The following TSPAN9 variants were observed in gnomAD, a reference collection of about 807,000 sequenced individuals.
TSPAN9 encodes the protein tetraspanin 9.
TSPAN9 carries 16 observed loss-of-function variants against 31.0 expected under a neutral mutation model. The observed-to-expected ratio is 0.52, with a 90% CI of 0.35 to 0.78. The LOEUF is 0.78. TSPAN9 is among the 30% of genes least tolerant of loss of function. TSPAN9 has a pLI of 0.01. For synonymous variants in TSPAN9, 145 were observed against 121.6 expected (o/e 1.19, Z -1.27); for missense variants, 272 against 312.5 (o/e 0.87, Z 0.98).
intron 2 of TSPAN9, among the ~76,000 whole-genome samples, chr12:3,190,451 G>C (rs1208634439): frequency 6.6e-6 from 1 of 152,234 alleles, no homozygotes; most frequent in Non-Finnish European, 1.5e-5. Flanking sequence ...GGAGCAGTGG[G>C]CTCAGTGTGT....
intron 2 of TSPAN9, among the ~76,000 whole-genome samples, chr12:3,111,401 G>C (rs1314543268): frequency 6.6e-6 from 1 of 152,070 alleles, no homozygotes; most frequent in African/African-American, 2.4e-5. Context: ...CTTGTTCACT[G>C]TGTGACCTTG....
chr12:3,105,774 A>ACACACGCTCATACACACTCACG (rs2098314157), intron 2 of TSPAN9, among the ~76,000 whole-genome samples: 2 of 137,096 alleles, frequency 1.5e-5, no homozygotes, highest in South Asian at 2.5e-4. Context: ...ACGCGCACGC[A>ACACACGCTCATACACACTCACG]CACACGCTCA....
At chr12:3,282,346 C>T (rs186306723) in intron 8 of TSPAN9, among the ~76,000 whole-genome samples, 99 of 152,266 alleles carry the variant, frequency 6.5e-4, no homozygotes, top group Non-Finnish European at 4.0e-4. Context: ...GCCAAGACAT[C>T]GCACCATGTG....
At chr12:3,222,189 C>T (rs2098384926) in intron 3 of TSPAN9, among the ~76,000 whole-genome samples, 1 of 152,124 alleles carries the variant, frequency 6.6e-6, no homozygotes, top group Non-Finnish European at 1.5e-5. Flanking sequence ...CTTGGTCCTG[C>T]TGGCATGCAG....
chr12:3,273,442 G>A (rs1862722695), intron 3 of TSPAN9, among the ~76,000 whole-genome samples: 1 of 152,164 alleles, frequency 6.6e-6, no homozygotes, highest in African/African-American at 2.4e-5. Flanking sequence ...GTGACCTTCT[G>A]CGGGTTGGTG....
intron 2 of TSPAN9, among the ~76,000 whole-genome samples, chr12:3,139,120 G>A (rs182414152): frequency 1.3e-5 from 2 of 151,688 alleles, no homozygotes; most frequent in Admixed American, 1.3e-4. Context: ...ATTGCCTCCC[G>A]CTGCCCCTTG....
chr12:3,184,743 T>A (rs1191712909), intron 2 of TSPAN9, among the ~76,000 whole-genome samples: 2 of 151,958 alleles, frequency 1.3e-5, no homozygotes, highest in Non-Finnish European at 2.9e-5. Flanking sequence ...CGGCATGAGG[T>A]TGGGGATGGG....
intron 2 of TSPAN9, among the ~76,000 whole-genome samples, chr12:3,089,763 G>A (rs770322541): frequency 2.6e-5 from 4 of 151,756 alleles, no homozygotes; most frequent in South Asian, 2.1e-4. Flanking sequence ...ATTAAAAAAC[G>A]TAGCCAGGCA....
rs1565640158 is a variant in TSPAN9 at position 3,269,391 on chromosome 12, CGTTCCTGCAGCCTGCCCTCCCTGT to C, written c.64-8986_64-8963del. ...GTGTTCCTGCAGCCTGCCCTCCGTG[CGTTCCTGCAGCCTGCCCTCCCTGT>C]GTTCCTGCAGCCTGCCCTCCCTGTG... On this transcript the variant is annotated intron_variant, in intron 3 of 8. Coordinates refer to ENST00000011898, the MANE Select transcript of TSPAN9 (RefSeq NM_006675.5). 8.5e-3 allele frequency among the ~76,000 whole-genome samples: 165 copies of C among 19,520 alleles called. 1 individual carries two copies. Among genetic ancestry groups the C allele is most frequent in the Middle Eastern group, 0.036 (1 of 28 alleles). The allele number at this position is 19,520 out of a possible 152,430, so 12.8% of individuals were successfully genotyped here.
At chr12:3,105,803 T>C (rs1213556382) in intron 2 of TSPAN9, among the ~76,000 whole-genome samples, 14 of 100,556 alleles carry the variant, frequency 1.4e-4, no homozygotes, top group South Asian at 9.6e-4. Flanking sequence ...CACGCACACA[T>C]GCGCACACAC....
At chr12:3,125,948 G>C (rs1565584711) in intron 2 of TSPAN9, among the ~76,000 whole-genome samples, 1 of 152,152 alleles carries the variant, frequency 6.6e-6, no homozygotes, top group Admixed American at 6.6e-5. Flanking sequence ...TTGGATGAAT[G>C]CTGGCCTTTG....
At chr12:3,212,117 G>A (rs577837413) in intron 3 of TSPAN9, among the ~76,000 whole-genome samples, 4 of 152,222 alleles carry the variant, frequency 2.6e-5, no homozygotes, top group Non-Finnish European at 5.9e-5. Context: ...GATTACAGGT[G>A]TGTGCCACCA....
chr12:3,137,775 G>A (rs2098332788), intron 2 of TSPAN9, among the ~76,000 whole-genome samples: 1 of 152,140 alleles, frequency 6.6e-6, no homozygotes, highest in African/African-American at 2.4e-5. Context: ...GTACCCCTGG[G>A]CTCTGCCAAG....
At chr12:3,268,854 ATTCCTGCAGCCTGCCCTCTGTGCG>A (rs1862604025) in intron 3 of TSPAN9, among the ~76,000 whole-genome samples, 1 of 55,914 alleles carries the variant, frequency 1.8e-5, no homozygotes, top group Admixed American at 2.1e-4. Context: ...CCCTCCGTGC[ATTCCTGCAGCCTGCCCTCTGTGCG>A]TTCCTGCAGC....
intron 2 of TSPAN9, among the ~76,000 whole-genome samples, chr12:3,145,435 G>A (rs529897428): frequency 6.6e-6 from 1 of 152,194 alleles, no homozygotes. Context: ...CCTAGGAGGT[G>A]TTCAGCTAGG....
At chr12:3,174,675 C>T (rs1044674553) in intron 2 of TSPAN9, among the ~76,000 whole-genome samples, 18 of 152,012 alleles carry the variant, frequency 1.2e-4, no homozygotes, top group Middle Eastern at 3.2e-3. Flanking sequence ...CTCCGCCTCC[C>T]GGGTTCGCGC....
chr12:3,144,603 G>A (rs1305549228), intron 2 of TSPAN9, among the ~76,000 whole-genome samples: 2 of 152,176 alleles, frequency 1.3e-5, no homozygotes, highest in South Asian at 2.1e-4. Flanking sequence ...CCAGAACCGC[G>A]AGACCGTAAA....
chr12:3,103,584 T>C (rs1327694073), intron 2 of TSPAN9, among the ~76,000 whole-genome samples: 1 of 143,272 alleles, frequency 7.0e-6, no homozygotes, highest in Non-Finnish European at 1.5e-5. Context: ...TCTTTGTCTC[T>C]GTAGGGCTCC....
rs562493952 is a variant in TSPAN9, at chr12:3,101,453, C to G, written c.-18+17734C>G. Among the ~76,000 whole-genome samples the G allele has an allele frequency of 3.3e-5, 5 of 152,192 alleles. No homozygotes were observed. The East Asian group carries it at 7.7e-4, about 24-fold the overall frequency. On this transcript the variant is annotated intron_variant, in intron 2 of 8. Transcript: ENST00000011898. Reference sequence around the variant, plus strand: ...TGTTGCATGAGATATCTCTTAGATGCCACTCTACACAATTTTGGATCTTAC... The same window carrying G: ...TGTTGCATGAGATATCTCTTAGATGGCACTCTACACAATTTTGGATCTTAC...
Sources: gnomAD v4.1 joint callset for allele counts (sites outside exome capture counted in the v4.1 genomes callset) on GRCh38, gnomAD v4.1.1 for gene constraint, MANE v1.5 for transcripts, NCBI Gene and HGNC (gene_info 2026-07-23, HGNC 2026-07-21) for gene names.